The following RUNDC3A variants were observed in gnomAD, a reference collection of about 807,000 sequenced individuals.
RUNDC3A encodes the protein RUN domain-containing protein 3A.
Under a neutral mutation model 53.9 loss-of-function variants are expected in RUNDC3A, and 28 were observed. The ratio of observed to expected loss-of-function variants is 0.52; its 90% CI spans 0.38 to 0.71. The LOEUF (loss-of-function observed/expected upper bound fraction) is 0.71, where lower values mean the gene tolerates loss of function less well. Ranked by LOEUF, RUNDC3A falls within the 30% of genes least tolerant of loss-of-function variation. RUNDC3A has a pLI of 0.00. For missense variants in RUNDC3A, 491 were observed against 597.3 expected (o/e 0.82, Z 1.85); for synonymous variants, 232 against 249.4 (o/e 0.93, Z 0.66).
intron 10 of RUNDC3A, chr17:44,317,872 G>C (rs113221336): frequency 2.2e-5 from 13 of 593,370 alleles, no homozygotes; most frequent in Non-Finnish European, 3.9e-5. Context: ...TGACCCTCAC[G>C]GGGAGACAGA....
At chr17:44,314,621 G>A (rs1429492861) in intron 4 of RUNDC3A, 114 bp from the exon 5 acceptor site, 17 of 1,491,092 alleles carry the variant, frequency 1.1e-5, no homozygotes, top group Non-Finnish European at 1.4e-5. Flanking sequence ...GATCAGGAAG[G>A]AGAATTGGCC....
chr17:44,314,482 A>T, intron 4 of RUNDC3A: 4 of 1,401,668 alleles, frequency 2.9e-6, no homozygotes, highest in Non-Finnish European at 3.7e-6. Flanking sequence ...GATCTGGGTA[A>T]CCCAGTACTT....
intron 10 of RUNDC3A, 98 bp downstream of exon 10, chr17:44,316,823 T>C: frequency 1.1e-4 from 34 of 317,882 alleles, no homozygotes; most frequent in East Asian, 2.8e-4. Flanking sequence ...TCTTAGTCTT[T>C]TTTTTTTTTT....
At position 44,315,082 on chromosome 17, in the gene RUNDC3A, C is replaced by A; in HGVS notation, c.629+73C>A. On this transcript the variant is annotated intron_variant, in intron 6 of 10. Transcript: ENST00000426726. This position sits in a 1 kb window ranked among gnomAD's most constrained non-coding sequence, Gnocchi z 6.1. ...CATCCTGGGGACGTCCTGGTCCCAC[C>A]GCCCTCAGCGGCCAGCGCAGACGCG... 6.2e-7 allele frequency: 1 copy of A among 1,608,264 alleles called. No individual in the cohort carries two copies. Among genetic ancestry groups the A allele is most frequent in the Non-Finnish European group, 8.5e-7 (1 of 1,177,526 alleles).
At chr17:44,310,986 CCT>C (rs2144673001) in intron 1 of RUNDC3A, 2 of 985,530 alleles carry the variant, frequency 2.0e-6, no homozygotes, top group East Asian at 2.3e-4. Flanking sequence ...CCCAACCCTG[CCT>C]GGGCTCTCAA....
intron 10 of RUNDC3A, chr17:44,317,778 T>C: frequency 1.7e-6 from 1 of 600,974 alleles, no homozygotes; most frequent in South Asian, 2.0e-5. Context: ...GCAGGGACCG[T>C]GTCTTGTCCG....
chr17:44,312,475 C>G, intron 1 of RUNDC3A, 105 bp from the exon 2 acceptor site: 1 of 670,574 alleles, frequency 1.5e-6, no homozygotes, highest in South Asian at 1.7e-5. Context: ...CACATCCATG[C>G]CCTTCCTGAC....
intron 10 of RUNDC3A, 128 bp downstream of exon 10, chr17:44,316,853 C>CA: frequency 1.6e-6 from 1 of 626,568 alleles, no homozygotes; most frequent in Non-Finnish European, 2.6e-6. Flanking sequence ...GACGGAGTCT[C>CA]ACTCTGTCAT....
At chr17:44,313,990 C>A in intron 4 of RUNDC3A, 1 of 992,062 alleles carries the variant, frequency 1.0e-6, no homozygotes, top group Non-Finnish European at 1.2e-6. Context: ...CTTTTACCAC[C>A]ACCACCACCA....
At chr17:44,310,649 CT>C in intron 1 of RUNDC3A, 1 of 966,060 alleles carries the variant, frequency 1.0e-6, no homozygotes, top group Non-Finnish European at 1.2e-6. Context: ...ATGGGCTCCC[CT>C]GGGCCCTGGC....
At chr17:44,318,028 G>A in intron 10 of RUNDC3A, 68 bp from the exon 11 acceptor site, 2 of 1,480,712 alleles carry the variant, frequency 1.4e-6, no homozygotes, top group Non-Finnish European at 1.8e-6. Context: ...CCCCTTCACT[G>A]CCCACCCCTC....
At position 44,315,062 on chromosome 17, in the gene RUNDC3A, T is replaced by C; in HGVS notation, c.629+53T>C. 6.2e-7 allele frequency: 1 copy of C among 1,609,506 alleles called. No homozygotes were observed. The highest frequency in any genetic ancestry group is 8.5e-7 in the Non-Finnish European group (1 of 1,178,054). On this transcript the variant is annotated intron_variant, in intron 6 of 10. Transcript: ENST00000426726. The surrounding 1 kb of genome is among the most constrained non-coding windows in gnomAD (Gnocchi z 6.1). ...CGGGGGACGGGGCCTCGGGACATCC[T>C]GGGGACGTCCTGGTCCCACCGCCCT... is the stretch of plus-strand genomic sequence containing the variant.
Position 44,313,128 on chromosome 17 carries a change from G to C in RUNDC3A, c.248G>C (p.Ser83Thr). The change falls in exon 3 of 11, where the codon AGC (serine) becomes ACC (threonine). Residue 83 changes from serine to threonine, a missense_variant. Physicochemically the swap from Ser to Thr is moderately conservative, Grantham distance 58. Around this residue, in one of 2 missense-constraint regions of RUNDC3A, gnomAD observed 273 missense variants for 389.0 expected, o/e 0.70. Transcript: ENST00000426726. ...FKACAPAGPV[S>T]WFSSDGQRGF... ...GCCTGTGCCCCAGCAGGTCCAGTGA[G>C]CTGGTTCAGCTCAGACGGGCAGCGG... 1 of 1,614,082 alleles carries C rather than the reference G, an allele frequency of 6.2e-7. No homozygotes were observed. The highest frequency in any genetic ancestry group is 8.5e-7 in the Non-Finnish European group (1 of 1,179,904).
At chr17:44,313,079 G>C (rs1233478220) in intron 2 of RUNDC3A, 25 bp from the exon 3 acceptor site, 1 of 1,611,348 alleles carries the variant, frequency 6.2e-7, no homozygotes, top group Non-Finnish European at 8.5e-7. Flanking sequence ...TGGTCTTGCT[G>C]AGCCCCCTCC....
Position 44,314,769 on chromosome 17 carries a change from G to A in RUNDC3A, c.493G>A (p.Asp165Asn). The change falls in exon 5 of 11, where the codon GAT becomes AAT. Residue 165 changes from aspartate to asparagine, a missense_variant. Around this residue, in one of 2 missense-constraint regions of RUNDC3A, gnomAD observed 273 missense variants for 389.0 expected, o/e 0.70. Transcript: ENST00000426726. ...FYDSGAIMLR[D>N]EATILTGMLI... ...TGACTCTGGAGCCATCATGCTGCGG[G>A]ATGAAGCCACCATCCTCACCGGAAT... The A allele has an allele frequency of 6.2e-7, 1 of 1,613,422 alleles. No homozygotes were observed. Among genetic ancestry groups the A allele is most frequent in the Non-Finnish European group, 8.5e-7 (1 of 1,179,798 alleles).
rs754032373 is a variant in RUNDC3A at position 44,318,185 on chromosome 17, G to A, written c.1288G>A (p.Glu430Lys). ...CKSLASFKSN[E>K]CLVSDSPEGS... ...GTCCCTGGCGAGCTTCAAATCCAAC[G>A]AGTGCCTGGTGAGCGACAGTCCCGA... is the stretch of plus-strand genomic sequence containing the variant. Residue 430 changes from glutamate to lysine, a missense_variant, in exon 11 of 11, where the codon GAG becomes AAG. By Grantham distance (56) the Glu-to-Lys change is moderately conservative. Around this residue, in one of 2 missense-constraint regions of RUNDC3A, gnomAD observed 218 missense variants for 208.2 expected, o/e 1.05. Transcript: ENST00000426726. 3.9e-6 allele frequency: 6 copies of A among 1,551,436 alleles called. No homozygotes were observed. The highest frequency in any genetic ancestry group is 4.4e-6 in the Non-Finnish European group (5 of 1,146,992).
At chr17:44,317,051 C>T (rs534574620) in intron 10 of RUNDC3A, 94 of 376,656 alleles carry the variant, frequency 2.5e-4, no homozygotes, top group Non-Finnish European at 4.0e-4. Context: ...GACGGAGTTT[C>T]GCCAGGCTGG....
In RUNDC3A at chr17:44,308,638, C is replaced by T. The variant is rs1298398805; in HGVS notation, c.-195C>T. The T allele has an allele frequency of 6.5e-6, 3 of 461,566 alleles. No individual in the cohort carries two copies. Among genetic ancestry groups the T allele is most frequent in the African/African-American group, 6.1e-5 (3 of 48,986 alleles). The allele number at this position is 461,566 out of a possible 1,614,324, so 28.6% of individuals were successfully genotyped here. A position where few individuals can be genotyped will look rare whatever the true frequency, so the allele number is the denominator to read the frequency against. Reference sequence around the variant, plus strand: ...CACCTCGGAGAGCTCCCTCCCCGGCCTTGTTTTGCTCTGGCATCGCCGCCG... The same window carrying T: ...CACCTCGGAGAGCTCCCTCCCCGGCTTTGTTTTGCTCTGGCATCGCCGCCG... On this transcript the variant is annotated 5_prime_UTR_variant, in exon 1 of 11. Transcript: ENST00000426726.
chr17:44,318,303 A>G lies in RUNDC3A; in HGVS notation c.*65A>G, dbSNP rs905337565. ...CATGGACACCTGCCACCTTTCTTCA[A>G]CAAGAGTCCCCCAATCCAGGCTACC... On this transcript the variant is annotated 3_prime_UTR_variant, in exon 11 of 11. Coordinates refer to ENST00000426726, the MANE Select transcript of RUNDC3A (RefSeq NM_001144825.2). The G allele has an allele frequency of 8.7e-6, 13 of 1,492,850 alleles. No homozygotes were observed. Among genetic ancestry groups the G allele is most frequent in the South Asian group, 6.1e-5 (5 of 82,358 alleles). 92.5% of individuals were successfully genotyped at this position (1,492,850 alleles called of 1,614,324 possible). A position where few individuals can be genotyped will look rare whatever the true frequency, so the allele number is the denominator to read the frequency against.
Sources: allele counts gnomAD v4.1 joint callset, GRCh38; gene constraint gnomAD v4.1.1; regional missense constraint gnomAD v4.1.1; non-coding constraint Gnocchi (gnomAD v3.1); transcripts MANE v1.5; gene names NCBI Gene and HGNC (gene_info 2026-07-23, HGNC 2026-07-21).